The following ERG variants were observed in gnomAD, a reference collection of about 807,000 sequenced individuals.
The protein encoded by ERG is transcriptional regulator ERG.
In ERG, 9 loss-of-function variants were observed where a neutral mutation model predicts 55.3. That is an observed-to-expected ratio of 0.16 (90% CI 0.10 to 0.28). ERG has a LOEUF of 0.28. ERG is among the 10% of genes least tolerant of loss of function. The pLI is 1.00. For synonymous variants in ERG, 223 were observed against 237.3 expected (o/e 0.94, Z 0.55); for missense variants, 434 against 631.6 (o/e 0.69, Z 3.35).
chr21:38,517,107 A>C (rs1040850868), intron 2 of ERG, among the ~76,000 whole-genome samples: 1 of 152,090 alleles, frequency 6.6e-6, no homozygotes, highest in Admixed American at 6.6e-5. Context: ...AAACAGACAA[A>C]TGAGACTATA....
intron 8 of ERG, 52 bp downstream of exon 8, chr21:38,391,607 T>C: frequency 7.1e-7 from 1 of 1,405,116 alleles, no homozygotes; most frequent in Non-Finnish European, 9.9e-7. Context: ...AGAAATGTGC[T>C]GCTGAGCCTG....
At chr21:38,650,054 G>T (rs933955727) in intron 1 of ERG, among the ~76,000 whole-genome samples, 1 of 152,196 alleles carries the variant, frequency 6.6e-6, no homozygotes, top group Non-Finnish European at 1.5e-5. Flanking sequence ...ATGGTGATTA[G>T]AGTCTAGAGA....
chr21:38,547,999 C>T (rs1007992764), intron 2 of ERG, among the ~76,000 whole-genome samples: 17 of 152,002 alleles, frequency 1.1e-4, no homozygotes, highest in African/African-American at 3.1e-4. Context: ...ATCCTTAAAA[C>T]GGTATAATCA....
chr21:38,569,746 GT>G (rs200372189), intron 2 of ERG, among the ~76,000 whole-genome samples: 15 of 151,902 alleles, frequency 9.9e-5, no homozygotes, highest in Non-Finnish European at 2.1e-4. Flanking sequence ...GAGTTATGTG[GT>G]TTTTTTTCCT....
At chr21:38,533,891 A>G (rs187518738) in intron 2 of ERG, among the ~76,000 whole-genome samples, 1 of 152,300 alleles carries the variant, frequency 6.6e-6, no homozygotes. Context: ...CAGAAAATAT[A>G]TAGTTTCCTT....
At chr21:38,562,677 A>G (rs2059900027) in intron 2 of ERG, among the ~76,000 whole-genome samples, 1 of 152,236 alleles carries the variant, frequency 6.6e-6, no homozygotes, top group Non-Finnish European at 1.5e-5. Context: ...TATCCTACTG[A>G]GCTCAAGGAG....
intron 2 of ERG, chr21:38,575,656 A>G (rs1568925313): frequency 6.2e-7 from 1 of 1,612,676 alleles, no homozygotes; most frequent in Non-Finnish European, 8.5e-7. Flanking sequence ...CCAAGACGGG[A>G]CTTACCTTGA....
intron 2 of ERG, among the ~76,000 whole-genome samples, chr21:38,428,466 CATG>C (rs1005510664): frequency 6.6e-6 from 1 of 152,278 alleles, no homozygotes; most frequent in African/African-American, 2.4e-5. Flanking sequence ...TCCATTCTCA[CATG>C]ATAAGGATTT....
intron 2 of ERG, among the ~76,000 whole-genome samples, chr21:38,567,559 C>A (rs1236393542): frequency 6.6e-6 from 1 of 152,200 alleles, no homozygotes; most frequent in Non-Finnish European, 1.5e-5. Flanking sequence ...CTTACATCAG[C>A]TTCATAGTAG....
At chr21:38,487,406 T>C (rs930948166) in intron 1 of ERG, among the ~76,000 whole-genome samples, 2 of 152,216 alleles carry the variant, frequency 1.3e-5, no homozygotes, top group African/African-American at 2.4e-5. Context: ...CCTTTCTTTC[T>C]ACAATATATT....
At chr21:38,492,619 A>C (rs971551648) in intron 1 of ERG, among the ~76,000 whole-genome samples, 1 of 152,226 alleles carries the variant, frequency 6.6e-6, no homozygotes, top group African/African-American at 2.4e-5. Context: ...CTGCGATATC[A>C]GTGGGTATAC....
chr21:38,443,525 C>T (rs1405520504), intron 2 of ERG, among the ~76,000 whole-genome samples: 6 of 152,230 alleles, frequency 3.9e-5, no homozygotes, highest in Non-Finnish European at 8.8e-5. Context: ...GGCTGTGTTC[C>T]ACCAACTGAT....
chr21:38,386,716 C>T (rs1362108334), intron 9 of ERG, among the ~76,000 whole-genome samples: 4 of 152,096 alleles, frequency 2.6e-5, no homozygotes, highest in Non-Finnish European at 4.4e-5. Flanking sequence ...TCTTGAAAGA[C>T]AAGAGCTTTC....
At chr21:38,497,071 A>G (rs1258549906) in intron 1 of ERG, among the ~76,000 whole-genome samples, 2 of 152,222 alleles carry the variant, frequency 1.3e-5, no homozygotes, top group Admixed American at 6.5e-5. Flanking sequence ...GCAGATTCCA[A>G]TCCTTGAAGC....
At position 38,528,533 on chromosome 21, in the gene ERG, C is replaced by T. The variant is rs1212173018; in HGVS notation, c.-41+47129G>A. Among the ~76,000 whole-genome samples the T allele has an allele frequency of 1.5e-4, 12 of 81,168 alleles. 3 individuals carry two copies. In the East Asian group the frequency reaches 2.2e-3, roughly 15 times the overall value. 53.2% of individuals were successfully genotyped at this position (81,168 alleles called of 152,430 possible). A position where few individuals can be genotyped will look rare whatever the true frequency, so the allele number is the denominator to read the frequency against. On this transcript the variant is annotated intron_variant, in intron 2 of 8. Transcript: ENST00000398897. The stretch of plus-strand genomic sequence containing the variant: ...CGGGATCTCGGCTCACTGCAAGCTC[C>T]GCCTCCCGGGTTCACGCCATTCTCC...
chr21:38,445,145 T>C (rs2058879144), intron 2 of ERG, among the ~76,000 whole-genome samples: 1 of 150,506 alleles, frequency 6.6e-6, no homozygotes, highest in Non-Finnish European at 1.5e-5. Context: ...CTTCTTTTTT[T>C]TTTTTTTTTT....
intron 1 of ERG, among the ~76,000 whole-genome samples, chr21:38,581,319 C>T (rs2060027428): frequency 6.6e-6 from 1 of 152,202 alleles, no homozygotes; most frequent in Admixed American, 6.5e-5. Flanking sequence ...TAAATGATCA[C>T]TTTATCCTCC....
chr21:38,609,177 T>C (rs772583922), intron 1 of ERG, among the ~76,000 whole-genome samples: 4 of 151,986 alleles, frequency 2.6e-5, no homozygotes, highest in Non-Finnish European at 5.9e-5. Flanking sequence ...AAAAGAGAGA[T>C]CTGTCCAAAC....
At chr21:38,419,410 A>G (rs1420314609) in intron 3 of ERG, among the ~76,000 whole-genome samples, 1 of 152,226 alleles carries the variant, frequency 6.6e-6, no homozygotes, top group African/African-American at 2.4e-5. Context: ...TTTATCCTGT[A>G]GGCACTGAAT....
Sources: allele counts gnomAD v4.1 joint callset (sites outside exome capture counted in the v4.1 genomes callset), GRCh38; gene constraint gnomAD v4.1.1; transcripts MANE v1.5; gene names NCBI Gene and HGNC (gene_info 2026-07-23, HGNC 2026-07-21).